Variants in MAP4K4 observed in about 807,000 individuals in gnomAD.
MAP4K4 encodes the protein HPK/GCK-like kinase HGK.
Under a neutral mutation model 189.6 loss-of-function variants are expected in MAP4K4, and 38 were observed. That is an observed-to-expected ratio of 0.20 (90% CI 0.15 to 0.26). The LOEUF (loss-of-function observed/expected upper bound fraction) is 0.26, where lower values mean the gene tolerates loss of function less well. Ranked by LOEUF, MAP4K4 falls within the 10% of genes least tolerant of loss-of-function variation. The pLI is 1.00. For missense variants in MAP4K4, 1,054 were observed against 1,726.9 expected (o/e 0.61, Z 6.91); for synonymous variants, 610 against 624.3 (o/e 0.98, Z 0.34).
At chr2:101,835,236 C>T (rs979044553) in intron 8 of MAP4K4, among the ~76,000 whole-genome samples, 15 of 152,164 alleles carry the variant, frequency 9.9e-5, no homozygotes, top group African/African-American at 2.9e-4. Flanking sequence ...AGTTTTTGTT[C>T]ACAAGGGGAA....
intron 2 of MAP4K4, among the ~76,000 whole-genome samples, chr2:101,752,533 C>T (rs927659434): frequency 2.0e-5 from 3 of 152,112 alleles, no homozygotes; most frequent in Admixed American, 6.5e-5. Context: ...GCTAAGCTCA[C>T]CCTGTGTACC....
intron 3 of MAP4K4, among the ~76,000 whole-genome samples, chr2:101,795,119 T>C (rs976962307): frequency 6.6e-6 from 1 of 152,172 alleles, no homozygotes; most frequent in Non-Finnish European, 1.5e-5. Context: ...TGAAGCCAAG[T>C]TGGGTCTCTT....
intron 15 of MAP4K4, chr2:101,860,364 A>C (rs2097605034): frequency 5.3e-6 from 1 of 189,814 alleles, no homozygotes; most frequent in Admixed American, 5.3e-5. Flanking sequence ...AGAGGTGTTG[A>C]ATCCCGGCCC....
chr2:101,823,888 C>G (rs754732607), intron 3 of MAP4K4, 40 bp from the exon 4 acceptor site: 1 of 1,542,468 alleles, frequency 6.5e-7, no homozygotes, highest in East Asian at 2.3e-5. Context: ...TCATTCACAT[C>G]GTTCAGTAGC....
intron 27 of MAP4K4, among the ~76,000 whole-genome samples, chr2:101,878,416 A>T (rs2098277164): frequency 6.6e-6 from 1 of 152,200 alleles, no homozygotes; most frequent in African/African-American, 2.4e-5. Context: ...GGTGTATGCC[A>T]TCCAGGCCTG....
intron 3 of MAP4K4, among the ~76,000 whole-genome samples, chr2:101,807,876 T>A (rs1181523313): frequency 2.0e-5 from 3 of 152,234 alleles, no homozygotes; most frequent in Non-Finnish European, 4.4e-5. Flanking sequence ...ACTTCCTCAC[T>A]GTCGCAAGGG....
chr2:101,729,337 G>A (rs2057369104), intron 2 of MAP4K4, among the ~76,000 whole-genome samples: 2 of 152,158 alleles, frequency 1.3e-5, no homozygotes, highest in African/African-American at 2.4e-5. Flanking sequence ...AGTACAGCCA[G>A]TTTATTTGGT....
chr2:101,883,763 G>A (rs1416209388), intron 28 of MAP4K4, among the ~76,000 whole-genome samples: 1 of 151,990 alleles, frequency 6.6e-6, no homozygotes, highest in East Asian at 1.9e-4. Context: ...TCCGAGGGAT[G>A]TTGTCATGCT....
At chr2:101,744,462 G>A (rs562287790) in intron 2 of MAP4K4, among the ~76,000 whole-genome samples, 102 of 152,304 alleles carry the variant, frequency 6.7e-4, no homozygotes, top group African/African-American at 2.4e-3. Flanking sequence ...GACATTGCTT[G>A]CTCTTTTTAC....
In MAP4K4 at chr2:101,873,637, T is replaced by C. The variant is rs1484505786; in HGVS notation, c.2953-10T>C. ...CAGTTGTATTAATAACATTGAAATT[T>C]ACATTGCAGACTCAGTCCGCTAGTA... On this transcript the variant is annotated splice_polypyrimidine_tract_variant and intron_variant, in intron 24 of 32. Coordinates refer to ENST00000324219, the Ensembl canonical transcript of MAP4K4. The C allele has an allele frequency of 6.9e-7, 1 of 1,451,162 alleles. No homozygotes were observed. The highest frequency in any genetic ancestry group is 1.2e-5 in the South Asian group (1 of 86,516). The allele number at this position is 1,451,162 out of a possible 1,614,324, so 89.9% of individuals were successfully genotyped here. A position where few individuals can be genotyped will look rare whatever the true frequency, so the allele number is the denominator to read the frequency against.
chr2:101,712,294 A>G (rs1479618661), intron 2 of MAP4K4, among the ~76,000 whole-genome samples: 1 of 151,924 alleles, frequency 6.6e-6, no homozygotes, highest in Admixed American at 6.6e-5. Flanking sequence ...TCCCGGGTTC[A>G]AGTGATTCTC....
At chr2:101,839,360 A>AC (rs1023641334) in intron 9 of MAP4K4, among the ~76,000 whole-genome samples, 3 of 152,212 alleles carry the variant, frequency 2.0e-5, no homozygotes, top group African/African-American at 7.2e-5. Flanking sequence ...TGTCAAATTA[A>AC]CAGGTTCAAG....
chr2:101,803,511 C>G (rs1395850123), intron 3 of MAP4K4, among the ~76,000 whole-genome samples: 2 of 152,174 alleles, frequency 1.3e-5, no homozygotes, highest in Non-Finnish European at 2.9e-5. Context: ...GCACCCCTGC[C>G]CTTTTTTTTG....
At chr2:101,707,214 T>C (rs1017145547) in intron 2 of MAP4K4, among the ~76,000 whole-genome samples, 7 of 136,176 alleles carry the variant, frequency 5.1e-5, no homozygotes, top group Admixed American at 1.5e-4. Context: ...TATTTTATCT[T>C]TTTTTTTTTT....
At position 101,869,813 on chromosome 2, in the gene MAP4K4, CTT is replaced by C. The variant is rs1031103144; in HGVS notation, c.2639+19_2639+20del. On this transcript the variant is annotated intron_variant, in intron 22 of 32. Coordinates refer to ENST00000324219, the Ensembl canonical transcript of MAP4K4. ...CCAGAGCAGCGTCAGTCCCCGGTCT[CTT>C]TTAGAGCGGATGAGAGTATTCTCTC... 2 of 1,519,984 alleles carry C rather than the reference CTT, an allele frequency of 1.3e-6. No homozygotes were observed. Among genetic ancestry groups the C allele is most frequent in the Non-Finnish European group, 8.8e-7 (1 of 1,133,106 alleles). The allele number at this position is 1,519,984 out of a possible 1,614,324, so 94.2% of individuals were successfully genotyped here. A position where few individuals can be genotyped will look rare whatever the true frequency, so the allele number is the denominator to read the frequency against.
At chr2:101,774,877 G>C (rs922331177) in intron 2 of MAP4K4, among the ~76,000 whole-genome samples, 2 of 152,002 alleles carry the variant, frequency 1.3e-5, no homozygotes, top group African/African-American at 4.8e-5. Context: ...TCTTGGGTGT[G>C]GTGGAATTTG....
At chr2:101,791,486 T>G (rs2092877311) in intron 3 of MAP4K4, among the ~76,000 whole-genome samples, 1 of 152,152 alleles carries the variant, frequency 6.6e-6, no homozygotes, top group South Asian at 2.1e-4. Flanking sequence ...TTTAAATTAT[T>G]TTTATCTGAA....
chr2:101,772,722 A>G (rs1201172214), intron 2 of MAP4K4, among the ~76,000 whole-genome samples: 1 of 152,240 alleles, frequency 6.6e-6, no homozygotes, highest in Non-Finnish European at 1.5e-5. Context: ...AGTTTCATGT[A>G]ATATAAAGAA....
intron 2 of MAP4K4, among the ~76,000 whole-genome samples, chr2:101,781,357 C>T (rs562380920): frequency 3.0e-4 from 45 of 152,230 alleles, no homozygotes; most frequent in African/African-American, 1.1e-3. Context: ...TCTTCCCTCC[C>T]CCTTTGTCTT....
Sources: allele counts gnomAD v4.1 joint callset (sites outside exome capture counted in the v4.1 genomes callset), GRCh38; gene constraint gnomAD v4.1.1; transcripts MANE v1.5; gene names NCBI Gene and HGNC (gene_info 2026-07-23, HGNC 2026-07-21).